Variants in CNTN5 observed in about 807,000 individuals in gnomAD.
CNTN5 encodes the protein contactin-5.
A neutral mutation model predicts 129.1 loss-of-function variants in CNTN5; 77 were observed. That is an observed-to-expected ratio of 0.60 (90% confidence interval 0.50 to 0.72). CNTN5 has a LOEUF of 0.72. Ranked by LOEUF, CNTN5 falls within the 30% of genes least tolerant of loss-of-function variation. The pLI is 0.00. For synonymous variants in CNTN5, 509 were observed against 465.6 expected (o/e 1.09, Z -1.20); for missense variants, 1,478 against 1,328.8 (o/e 1.11, Z -1.75).
At chr11:99,157,113 A>C (rs922059669) in intron 1 of CNTN5, among the ~76,000 whole-genome samples, 1 of 152,032 alleles carries the variant, frequency 6.6e-6, no homozygotes, top group African/African-American at 2.4e-5. Flanking sequence ...AGCAATTGCT[A>C]TTTTTTATCT....
At chr11:99,934,286 T>A (rs1411841259) in intron 7 of CNTN5, among the ~76,000 whole-genome samples, 1 of 152,192 alleles carries the variant, frequency 6.6e-6, no homozygotes, top group African/African-American at 2.4e-5. Flanking sequence ...AGTTGAAGAA[T>A]CTTTTTCTTA....
chr11:99,953,117 T>G (rs557081406), intron 7 of CNTN5, among the ~76,000 whole-genome samples: 110 of 152,322 alleles, frequency 7.2e-4, no homozygotes, highest in African/African-American at 2.6e-3. Context: ...TTTCAAAGAC[T>G]TCAGAGAGTC....
At chr11:99,613,992 T>G (rs2135739486) in intron 3 of CNTN5, among the ~76,000 whole-genome samples, 1 of 152,338 alleles carries the variant, frequency 6.6e-6, no homozygotes, top group East Asian at 1.9e-4. Context: ...TATAGAATAA[T>G]TATAAAACTC....
intron 13 of CNTN5, among the ~76,000 whole-genome samples, chr11:100,144,716 C>T (rs1946795308): frequency 7.1e-6 from 1 of 141,630 alleles, no homozygotes; most frequent in Non-Finnish European, 1.5e-5. Context: ...TTCTTTTCTT[C>T]AGCCTATTGG....
intron 18 of CNTN5, among the ~76,000 whole-genome samples, chr11:100,289,465 C>T (rs946594354): frequency 2.0e-5 from 3 of 151,354 alleles, no homozygotes; most frequent in Non-Finnish European, 4.4e-5. Context: ...ATACGCAAAT[C>T]AATAAATGTA....
chr11:99,122,677 T>C (rs1365597795), intron 1 of CNTN5, among the ~76,000 whole-genome samples: 1 of 152,112 alleles, frequency 6.6e-6, no homozygotes, highest in Non-Finnish European at 1.5e-5. Flanking sequence ...AGGTTTATTA[T>C]TATTTTTTTG....
intron 21 of CNTN5, chr11:100,337,184 A>G: frequency 6.6e-7 from 1 of 1,509,304 alleles, no homozygotes. Flanking sequence ...GTTGACACAG[A>G]TGACACCAGC....
intron 3 of CNTN5, among the ~76,000 whole-genome samples, chr11:99,708,833 C>A (rs149970330): frequency 3.8e-4 from 57 of 151,792 alleles, no homozygotes; most frequent in African/African-American, 1.2e-3. Context: ...TTCAGAGTTA[C>A]GAATCCTGTC....
intron 13 of CNTN5, among the ~76,000 whole-genome samples, chr11:100,092,364 A>G (rs945819264): frequency 2.0e-5 from 3 of 152,106 alleles, no homozygotes; most frequent in African/African-American, 7.2e-5. Context: ...GGAGGTTTAA[A>G]TGCTAATATT....
At chr11:99,772,250 C>T (rs1473532853) in intron 3 of CNTN5, among the ~76,000 whole-genome samples, 2 of 151,574 alleles carry the variant, frequency 1.3e-5, no homozygotes, top group South Asian at 4.2e-4. Context: ...GTAATCAGCT[C>T]AAGATTAATA....
intron 13 of CNTN5, among the ~76,000 whole-genome samples, chr11:100,160,097 G>T (rs1241595235): frequency 6.6e-6 from 1 of 151,792 alleles, no homozygotes; most frequent in Non-Finnish European, 1.5e-5. Flanking sequence ...ACAGGCCCTA[G>T]TATGTGATGT....
chr11:99,701,796 A>C (rs1182422222), intron 3 of CNTN5, among the ~76,000 whole-genome samples: 1 of 151,160 alleles, frequency 6.6e-6, no homozygotes, highest in African/African-American at 2.4e-5. Context: ...AAAGTCTGTT[A>C]GAGTAACTAT....
chr11:100,225,441 G>A (rs1949350952), intron 16 of CNTN5: 1 of 152,080 alleles, frequency 6.6e-6, no homozygotes, highest in East Asian at 1.9e-4. Context: ...GTATTCCACA[G>A]TATGGGAAAT....
intron 2 of CNTN5, among the ~76,000 whole-genome samples, chr11:99,444,548 T>C (rs1032005506): frequency 1.3e-5 from 2 of 152,198 alleles, no homozygotes; most frequent in African/African-American, 2.4e-5. Flanking sequence ...CTATCCTTTA[T>C]TCTTGTATAA....
intron 3 of CNTN5, among the ~76,000 whole-genome samples, chr11:99,761,502 G>A (rs574189116): frequency 6.6e-6 from 1 of 151,830 alleles, no homozygotes; most frequent in African/African-American, 2.4e-5. Flanking sequence ...ACCTATGAGT[G>A]AGAATATGCG....
chr11:100,236,336 G>T (rs772575068), intron 16 of CNTN5, among the ~76,000 whole-genome samples: 1 of 152,030 alleles, frequency 6.6e-6, no homozygotes, highest in Admixed American at 6.6e-5. Flanking sequence ...GAGGAAAGCC[G>T]CTGGCATTGC....
intron 1 of CNTN5, among the ~76,000 whole-genome samples, chr11:99,054,035 G>A (rs1306350779): frequency 6.6e-6 from 1 of 151,748 alleles, no homozygotes; most frequent in Non-Finnish European, 1.5e-5. Context: ...TGTTATCCTT[G>A]GAAAGCATGC....
At chr11:99,080,749 T>C (rs1865757948) in intron 1 of CNTN5, among the ~76,000 whole-genome samples, 1 of 152,162 alleles carries the variant, frequency 6.6e-6, no homozygotes, top group South Asian at 2.1e-4. Context: ...AGCTATTGAA[T>C]AGGGAACCAG....
intron 3 of CNTN5, among the ~76,000 whole-genome samples, chr11:99,600,329 G>T (rs1336020760): frequency 3.3e-5 from 5 of 152,138 alleles, no homozygotes; most frequent in Non-Finnish European, 7.4e-5. Flanking sequence ...AGCGTAGAAG[G>T]TTCATGTTCC....
Sources: gnomAD v4.1 joint callset for allele counts (sites outside exome capture counted in the v4.1 genomes callset) on GRCh38, gnomAD v4.1.1 for gene constraint, MANE v1.5 for transcripts, NCBI Gene and HGNC (gene_info 2026-07-23, HGNC 2026-07-21) for gene names.